The following GPHN variants were observed in gnomAD, a reference collection of about 807,000 sequenced individuals.
GPHN encodes the protein gephyrin.
GPHN carries 17 observed loss-of-function variants against 95.5 expected under a neutral mutation model. The ratio of observed to expected loss-of-function variants is 0.18; its 90% CI spans 0.12 to 0.27. The LOEUF is 0.27. Among genes scored for constraint, GPHN ranks in the 10% least tolerant of loss-of-function variants. GPHN has a pLI of 1.00. For missense variants in GPHN, 660 were observed against 978.1 expected, an observed-to-expected ratio of 0.67 and a Z score of 4.34; for synonymous variants, 320 against 322.5, an observed-to-expected ratio of 0.99 and a Z score of 0.08.
chr14:67,582,848 AAAAC>A, the GPHN span, among the ~76,000 whole-genome samples: 21 of 152,234 alleles, frequency 1.4e-4, no homozygotes, highest in East Asian at 5.8e-4. The surrounding 1 kb of genome is among the most constrained non-coding windows in gnomAD (Gnocchi z 5.0). Flanking sequence ...AAAACAAAAC[AAAAC>A]AAACAAACAA....
intron 17 of GPHN, among the ~76,000 whole-genome samples, chr14:67,124,594 G>A (rs937770205): frequency 3.3e-5 from 5 of 152,066 alleles, no homozygotes; most frequent in African/African-American, 1.2e-4. Context: ...ATAAATCCAA[G>A]AGTTTGAAAA....
the GPHN span, among the ~76,000 whole-genome samples, chr14:67,456,546 A>G: frequency 6.6e-6 from 1 of 151,778 alleles, no homozygotes; most frequent in Non-Finnish European, 1.5e-5. Flanking sequence ...AGTTTGCAGT[A>G]AGCTGAGATC....
chr14:66,522,765 T>C (rs183434122), intron 1 of GPHN, among the ~76,000 whole-genome samples: 1 of 151,084 alleles, frequency 6.6e-6, no homozygotes, highest in Admixed American at 6.6e-5. Context: ...ATATATAATT[T>C]TTTTTTCTAA....
rs113129143 is a variant in GPHN, at chr14:67,140,526, A to T, written c.1749-2836A>T. Among the ~76,000 whole-genome samples the T allele has an allele frequency of 3.5e-3, 534 of 152,340 alleles. 8 individuals are homozygous for T. The highest frequency in any genetic ancestry group is 0.012 in the African/African-American group (498 of 41,570). ...CTGCTGCTTTGTTTACAGTAGCTTT[A>T]CAATAATTCTATAGAATCAACATAT... On this transcript the variant is annotated intron_variant, in intron 17 of 22. Coordinates refer to ENST00000478722, the MANE Select transcript of GPHN (RefSeq NM_020806.5).
At chr14:67,674,650 C>T in the GPHN span, 11 of 514,064 alleles carry the variant, frequency 2.1e-5, no homozygotes, top group South Asian at 3.5e-4. Flanking sequence ...TCCTCTCGAG[C>T]CGGAACGCCC....
chr14:67,512,222 C>T, the GPHN span, among the ~76,000 whole-genome samples: 1 of 152,188 alleles, frequency 6.6e-6, no homozygotes, highest in Admixed American at 6.5e-5. Context: ...ACTCAGTTTC[C>T]CTAAGGGGAA....
At chr14:66,859,061 C>T (rs1194922230) in intron 4 of GPHN, among the ~76,000 whole-genome samples, 2 of 152,124 alleles carry the variant, frequency 1.3e-5, no homozygotes, top group Non-Finnish European at 2.9e-5. Context: ...ATCTCTGGAC[C>T]TACCCTGGGC....
intron 13 of GPHN, among the ~76,000 whole-genome samples, chr14:67,102,078 T>C (rs1224057746): frequency 1.3e-5 from 2 of 151,852 alleles, no homozygotes; most frequent in African/African-American, 2.4e-5. Context: ...TTCACCATGT[T>C]AGCCAGGATG....
intron 8 of GPHN, among the ~76,000 whole-genome samples, chr14:66,945,684 T>G (rs1291035572): frequency 2.0e-5 from 3 of 152,330 alleles, no homozygotes; most frequent in East Asian, 3.9e-4. Context: ...TAGACATTTC[T>G]CAAAGAAGAT....
At chr14:66,948,275 A>C (rs949232705) in intron 8 of GPHN, among the ~76,000 whole-genome samples, 1 of 152,170 alleles carries the variant, frequency 6.6e-6, no homozygotes, top group Non-Finnish European at 1.5e-5. Flanking sequence ...AACTTTAGTA[A>C]GTATAAATAT....
intron 2 of GPHN, among the ~76,000 whole-genome samples, chr14:66,729,131 C>T (rs1444251099): frequency 6.6e-6 from 1 of 152,184 alleles, no homozygotes; most frequent in African/African-American, 2.4e-5. Context: ...CTTGCTCCTC[C>T]TTGCCTTCCA....
At chr14:67,252,539 T>C in the GPHN span, among the ~76,000 whole-genome samples, 5 of 152,158 alleles carry the variant, frequency 3.3e-5, no homozygotes, top group East Asian at 1.9e-4. Context: ...GGCCCAAAAC[T>C]TGTGGCTGGC....
chr14:67,655,076 A>G, the GPHN span, among the ~76,000 whole-genome samples: 1 of 149,458 alleles, frequency 6.7e-6, no homozygotes, highest in Non-Finnish European at 1.5e-5. Flanking sequence ...ACAGTGGCTC[A>G]TGCCTGTAAT....
At chr14:67,566,097 C>T in the GPHN span, among the ~76,000 whole-genome samples, 8 of 152,084 alleles carry the variant, frequency 5.3e-5, no homozygotes, top group African/African-American at 9.7e-5. Context: ...CCAGCCTGGG[C>T]GACAGAGGAG....
intron 1 of GPHN, among the ~76,000 whole-genome samples, chr14:66,627,666 A>G (rs1455607190): frequency 6.6e-6 from 1 of 152,092 alleles, no homozygotes; most frequent in Admixed American, 6.6e-5. Flanking sequence ...TTACTGTTTC[A>G]TGAGAAATGT....
chr14:67,685,655 G>A, the GPHN span, among the ~76,000 whole-genome samples: 1 of 151,382 alleles, frequency 6.6e-6, no homozygotes, highest in Non-Finnish European at 1.5e-5. Context: ...CAGGCTTGCT[G>A]TGTTGCCCAG....
At chr14:66,679,311 A>G (rs2066804397) in intron 1 of GPHN, among the ~76,000 whole-genome samples, 1 of 152,084 alleles carries the variant, frequency 6.6e-6, no homozygotes, top group Non-Finnish European at 1.5e-5. Flanking sequence ...TTCAGCTTTA[A>G]GTTTTCTTGT....
chr14:67,700,734 A>G, the GPHN span, among the ~76,000 whole-genome samples: 3 of 131,400 alleles, frequency 2.3e-5, no homozygotes, highest in Non-Finnish European at 3.2e-5. Flanking sequence ...AAAAAAAATT[A>G]CAGAAGTTGG....
At position 67,119,109 on chromosome 14, in the gene GPHN, G is replaced by A. The variant is rs536284985; in HGVS notation, c.1627-3147G>A. 3.9e-5 allele frequency among the ~76,000 whole-genome samples: 6 copies of A among 152,288 alleles called. No individual in the cohort carries two copies. The East Asian group carries it at 1.2e-3, about 29-fold the overall frequency. On this transcript the variant is annotated intron_variant, in intron 16 of 22. Coordinates refer to ENST00000478722, the MANE Select transcript of GPHN (RefSeq NM_020806.5). ...TGGATCACAGTCAGTCTTATCTTCA[G>A]AGCATATGAATCCATGTGGAACTAC...
Sources: allele counts gnomAD v4.1 joint callset (sites outside exome capture counted in the v4.1 genomes callset), GRCh38; gene constraint gnomAD v4.1.1; non-coding constraint Gnocchi (gnomAD v3.1); transcripts MANE v1.5; gene names NCBI Gene and HGNC (gene_info 2026-07-23, HGNC 2026-07-21).